TANGO6: variants seen among roughly 807,000 people sequenced by gnomAD.
The protein encoded by TANGO6 is transport and Golgi organization protein 6 homolog.
In TANGO6, 90 loss-of-function variants were observed where a neutral mutation model predicts 114.2. That is an observed-to-expected ratio of 0.79 (90% CI 0.66 to 0.94). TANGO6 has a LOEUF of 0.94. Ranked by LOEUF, TANGO6 falls within the 40% of genes least tolerant of loss-of-function variation. The pLI is 0.00. For synonymous variants in TANGO6, 477 were observed against 509.8 expected, an observed-to-expected ratio of 0.94 and a Z score of 0.87; for missense variants, 1,274 against 1,315.3, an observed-to-expected ratio of 0.97 and a Z score of 0.49.
In TANGO6 at chr16:69,063,808, C is replaced by CTTCTTCTTCTTATTA. The variant is rs56983779; in HGVS notation, c.3109-19675_3109-19674insCTTCTTCTTATTATT. On this transcript the variant is annotated intron_variant, in intron 17 of 17. Transcript: ENST00000261778. ...TCTTCTTCTTCTTCTTCTTCTTCTT[C>CTTCTTCTTCTTATTA]TTATTATTATTATTATTATTATTAT... 5.0e-3 allele frequency among the ~76,000 whole-genome samples: 631 copies of CTTCTTCTTCTTATTA among 125,540 alleles called. 1 individual carries two copies. The highest frequency in any genetic ancestry group is 0.015 in the African/African-American group (473 of 30,620). 82.4% of individuals were successfully genotyped at this position (125,540 alleles called of 152,430 possible).
At chr16:69,065,321 T>C (rs749083354) in intron 17 of TANGO6, among the ~76,000 whole-genome samples, 7 of 152,234 alleles carry the variant, frequency 4.6e-5, no homozygotes, top group Non-Finnish European at 8.8e-5. Flanking sequence ...TTGGGAGTTC[T>C]GACCGCCTAT....
At chr16:69,029,972 G>A (rs965185089) in intron 16 of TANGO6, among the ~76,000 whole-genome samples, 2 of 151,864 alleles carry the variant, frequency 1.3e-5, no homozygotes, top group African/African-American at 2.4e-5. Context: ...GCTGAGAGTA[G>A]TAACAGGCAC....
intron 17 of TANGO6, among the ~76,000 whole-genome samples, chr16:69,073,351 C>T (rs887893500): frequency 3.9e-5 from 6 of 152,318 alleles, no homozygotes; most frequent in Middle Eastern, 3.4e-3. Context: ...CCTCCAAAGG[C>T]GGAAATGACT....
intron 17 of TANGO6, among the ~76,000 whole-genome samples, chr16:69,076,340 C>T (rs1365485010): frequency 6.6e-6 from 1 of 151,774 alleles, no homozygotes; most frequent in Admixed American, 6.6e-5. Context: ...GATCCGCCTG[C>T]CTTGGCCTCC....
chr16:69,049,580 T>C (rs1256539879), intron 17 of TANGO6, among the ~76,000 whole-genome samples: 1 of 151,908 alleles, frequency 6.6e-6, no homozygotes, highest in Non-Finnish European at 1.5e-5. Flanking sequence ...TACAGGCACT[T>C]GCCACCATGC....
chr16:68,918,307 C>T (rs1319767079), intron 11 of TANGO6, among the ~76,000 whole-genome samples: 1 of 152,196 alleles, frequency 6.6e-6, no homozygotes, highest in African/African-American at 2.4e-5. Context: ...CAGTCTGTGG[C>T]TTCTCTTTGT....
At chr16:68,846,880 C>A (rs556378489) in intron 1 of TANGO6, 1 of 151,136 alleles carries the variant, frequency 6.6e-6, no homozygotes, top group South Asian at 2.1e-4. Context: ...AGAAACTCAA[C>A]AAGAGGTAAT....
chr16:68,998,695 C>T (rs192837300), intron 15 of TANGO6, among the ~76,000 whole-genome samples: 13 of 147,938 alleles, frequency 8.8e-5, no homozygotes, highest in East Asian at 2.0e-4. Flanking sequence ...TGCGCCACTG[C>T]GCTCCAGCCT....
chr16:68,893,773 AAG>A (rs1491525966), intron 7 of TANGO6, among the ~76,000 whole-genome samples: 2 of 151,626 alleles, frequency 1.3e-5, no homozygotes, highest in Non-Finnish European at 2.9e-5. Context: ...AAAAAAAAAA[AAG>A]GAAAAGAAAA....
In TANGO6 at chr16:68,875,257, A is replaced by G. The variant is rs1335305805; in HGVS notation, c.1098A>G (p.Ser366=). Residue 366 remains serine (S), a synonymous_variant, in exon 5 of 18, where the codon TCA becomes TCG. Coordinates refer to ENST00000261778, the MANE Select transcript of TANGO6 (RefSeq NM_024562.2). ...CCTCTTGTCCCCAGCAGTCTCTTTC[A>G]CCAGAGAATTACTACAGGGACATCT... is the stretch of plus-strand genomic sequence containing the variant. ...ILASCPQQSL[S]PENYYRDICP... is the part of the protein sequence containing the mutation. 2.5e-6 allele frequency: 4 copies of G among 1,613,734 alleles called. No homozygotes were observed. Among genetic ancestry groups the G allele is most frequent in the Non-Finnish European group, 1.7e-6 (2 of 1,179,738 alleles).
chr16:68,887,090 G>A (rs1251567013), intron 7 of TANGO6, among the ~76,000 whole-genome samples: 2 of 152,244 alleles, frequency 1.3e-5, no homozygotes, highest in Admixed American at 1.3e-4. Flanking sequence ...TTACAGGCAT[G>A]AGCCACCATG....
intron 17 of TANGO6, among the ~76,000 whole-genome samples, chr16:69,042,472 G>A (rs949150810): frequency 2.6e-5 from 4 of 152,168 alleles, no homozygotes; most frequent in Admixed American, 6.6e-5. Flanking sequence ...ACTTGAACCT[G>A]GGAGGCAGAA....
In TANGO6 at chr16:69,063,802, C is replaced by CTTA. The variant is rs1458969247; in HGVS notation, c.3109-19681_3109-19680insATT. 3.0e-3 allele frequency among the ~76,000 whole-genome samples: 376 copies of CTTA among 124,348 alleles called. 1 individual carries two copies. Among genetic ancestry groups the CTTA allele is most frequent in the Admixed American group, 5.2e-3 (61 of 11,816 alleles). 81.6% of individuals were successfully genotyped at this position (124,348 alleles called of 152,430 possible). On this transcript the variant is annotated intron_variant, in intron 17 of 17. Transcript: ENST00000261778. ...TACTTTTCTTCTTCTTCTTCTTCTT[C>CTTA]TTCTTCTTATTATTATTATTATTAT...
intron 9 of TANGO6, among the ~76,000 whole-genome samples, chr16:68,906,792 CT>C (rs35841953): frequency 0.17 from 23,155 of 132,868 alleles, 2,281 homozygotes; most frequent in African/African-American, 0.33. Context: ...GTTTCTTCTT[CT>C]TTTTTTTTTT....
At position 69,071,293 on chromosome 16, in the gene TANGO6, G is replaced by T. The variant is rs1012897287; in HGVS notation, c.3109-12192G>T. The stretch of plus-strand genomic sequence containing the variant: ...AAAATGCAGTCACTCTGGTTTTAAC[G>T]CCTCTGACACAATGAGTGTATGCTA... On this transcript the variant is annotated intron_variant, in intron 17 of 17. Transcript: ENST00000261778. Among the ~76,000 whole-genome samples, 3 of 152,046 alleles carry T rather than the reference G, an allele frequency of 2.0e-5. No individual in the cohort carries two copies. In the East Asian group the frequency reaches 5.8e-4, roughly 29 times the overall value.
intron 6 of TANGO6, among the ~76,000 whole-genome samples, chr16:68,879,611 TTTTC>T (rs1285140723): frequency 6.6e-6 from 1 of 150,738 alleles, no homozygotes; most frequent in African/African-American, 2.4e-5. Flanking sequence ...AACTCTGCCA[TTTTC>T]TTTCTTTTTT....
At chr16:68,951,089 C>A (rs972801670) in intron 14 of TANGO6, among the ~76,000 whole-genome samples, 1 of 151,672 alleles carries the variant, frequency 6.6e-6, no homozygotes, top group Non-Finnish European at 1.5e-5. Context: ...TTTGGGAGGT[C>A]GATGTGGACG....
At chr16:69,074,997 C>A (rs188281464) in intron 17 of TANGO6, among the ~76,000 whole-genome samples, 1 of 151,894 alleles carries the variant, frequency 6.6e-6, no homozygotes, top group Non-Finnish European at 1.5e-5. Flanking sequence ...TACAGGCATG[C>A]GCCACTACGC....
chr16:68,963,275 C>T (rs1282472614), intron 14 of TANGO6, among the ~76,000 whole-genome samples: 1 of 152,128 alleles, frequency 6.6e-6, no homozygotes, highest in Non-Finnish European at 1.5e-5. Flanking sequence ...ATGTGGGCTA[C>T]CACGCCTGGC....
Sources: gnomAD v4.1 joint callset for allele counts (sites outside exome capture counted in the v4.1 genomes callset) on GRCh38, gnomAD v4.1.1 for gene constraint, MANE v1.5 for transcripts, NCBI Gene and HGNC (gene_info 2026-07-23, HGNC 2026-07-21) for gene names.